The following SPHKAP variants were observed in gnomAD, a reference collection of about 807,000 sequenced individuals.
The protein encoded by SPHKAP is SPHK1 interactor, AKAP domain containing.
Under a neutral mutation model 137.5 loss-of-function variants are expected in SPHKAP, and 67 were observed. The observed-to-expected ratio is 0.49, with a 90% confidence interval of 0.40 to 0.60. The LOEUF (loss-of-function observed/expected upper bound fraction) is 0.60. SPHKAP is among the 20% of genes least tolerant of loss of function. The probability of loss-of-function intolerance (pLI) is 0.00; values close to 1 mark genes in which losing one functional copy is unlikely to be tolerated. For missense variants in SPHKAP, 2,097 were observed against 2,069.3 expected (o/e 1.01, Z -0.26); for synonymous variants, 813 against 785.3 (o/e 1.04, Z -0.59).
intron 3 of SPHKAP, among the ~76,000 whole-genome samples, chr2:228,064,342 A>G (rs1019514255): frequency 5.3e-5 from 8 of 152,214 alleles, no homozygotes; most frequent in African/African-American, 1.7e-4. Flanking sequence ...TAAACCTGCC[A>G]TTATCATCGT....
intron 7 of SPHKAP, among the ~76,000 whole-genome samples, chr2:228,007,366 C>T (rs1559343062): frequency 6.6e-6 from 1 of 152,140 alleles, no homozygotes; most frequent in East Asian, 1.9e-4. Context: ...ATATATCATA[C>T]ATTATTATTA....
At chr2:228,116,275 G>C (rs1698708570) in intron 2 of SPHKAP, among the ~76,000 whole-genome samples, 1 of 152,026 alleles carries the variant, frequency 6.6e-6, no homozygotes, top group African/African-American at 2.4e-5. Flanking sequence ...AATCCATCTA[G>C]CTCACTAAAA....
intron 1 of SPHKAP, among the ~76,000 whole-genome samples, chr2:228,145,985 G>C (rs530542576): frequency 1.7e-4 from 26 of 152,082 alleles, no homozygotes; most frequent in African/African-American, 6.3e-4. Context: ...CATGATCCTC[G>C]GATAACAAAC....
At chr2:228,027,667 C>T (rs1695096410) in intron 3 of SPHKAP, 124 bp from the exon 4 acceptor site, 1 of 984,376 alleles carries the variant, frequency 1.0e-6, no homozygotes, top group Non-Finnish European at 1.5e-6. Context: ...GACAGTTTGG[C>T]ATAGAAATAG....
intron 7 of SPHKAP, among the ~76,000 whole-genome samples, chr2:228,010,430 G>A (rs1340927898): frequency 6.6e-6 from 1 of 152,210 alleles, no homozygotes; most frequent in Non-Finnish European, 1.5e-5. Context: ...TACTCGGGAG[G>A]CTGAGGCAGG....
intron 3 of SPHKAP, among the ~76,000 whole-genome samples, chr2:228,035,428 A>G (rs1280410453): frequency 6.6e-6 from 1 of 152,236 alleles, no homozygotes; most frequent in Non-Finnish European, 1.5e-5. Flanking sequence ...GGTAGGAAGA[A>G]TCAATATTGT....
Position 228,025,518 on chromosome 2 carries a change from T to C in SPHKAP, c.317A>G (p.Asn106Ser), listed in dbSNP as rs770662067. 3 of 1,613,652 alleles carry C rather than the reference T, an allele frequency of 1.9e-6. No individual in the cohort carries two copies. The highest frequency in any genetic ancestry group is 1.1e-5 in the South Asian group (1 of 90,962). ...AAGTTTTGGAAGATCTGGTGAAACG[T>C]TGACCAGTTTCTGTAAAGCAAGAAT... The part of the protein sequence containing the change: ...STEHLQQKLV[N>S]VSPDLPKLIS... Residue 106 changes from asparagine to serine, a missense_variant, in exon 5 of 12, where the codon AAC (asparagine) becomes AGC (serine). Coordinates refer to ENST00000392056, the MANE Select transcript of SPHKAP (RefSeq NM_001142644.2).
intron 2 of SPHKAP, among the ~76,000 whole-genome samples, chr2:228,111,895 T>C (rs988664386): frequency 6.6e-6 from 1 of 152,144 alleles, no homozygotes; most frequent in African/African-American, 2.4e-5. Flanking sequence ...TGCATCTATT[T>C]TTTTTTGTAA....
chr2:227,989,166 G>T (rs1285802023), intron 11 of SPHKAP, among the ~76,000 whole-genome samples: 1 of 152,102 alleles, frequency 6.6e-6, no homozygotes, highest in Non-Finnish European at 1.5e-5. Context: ...GAATTAAAAT[G>T]CAATTACACA....
At chr2:228,071,464 G>T (rs1697002845) in intron 3 of SPHKAP, among the ~76,000 whole-genome samples, 1 of 152,230 alleles carries the variant, frequency 6.6e-6, no homozygotes, top group South Asian at 2.1e-4. Flanking sequence ...ACCATTCTTT[G>T]CTGGCACTAA....
At chr2:228,158,331 T>TC (rs1343984075) in intron 1 of SPHKAP, among the ~76,000 whole-genome samples, 1 of 150,642 alleles carries the variant, frequency 6.6e-6, no homozygotes, top group African/African-American at 2.4e-5. Context: ...TCTTTCTTTT[T>TC]TTTTTTTTTT....
At chr2:228,118,516 GT>G (rs1029784736) in intron 2 of SPHKAP, among the ~76,000 whole-genome samples, 17 of 151,900 alleles carry the variant, frequency 1.1e-4, no homozygotes, top group African/African-American at 4.1e-4. Flanking sequence ...CCCTATCCTT[GT>G]CAGTACTCAG....
intron 3 of SPHKAP, among the ~76,000 whole-genome samples, chr2:228,036,191 AAAC>A (rs1695585677): frequency 1.3e-5 from 2 of 150,826 alleles, no homozygotes; most frequent in African/African-American, 4.9e-5. Flanking sequence ...TACAAGAAAA[AAAC>A]AAACAACCCC....
rs780498887 is a variant in SPHKAP at position 227,982,208 on chromosome 2, T to A, written c.4960-348A>T. 8.6e-5 allele frequency: 85 copies of A among 985,196 alleles called. 2 individuals carry two copies. The South Asian group carries it at 1.6e-3, about 18-fold the overall frequency. The allele number at this position is 985,196 out of a possible 1,614,324, so 61.0% of individuals were successfully genotyped here. A position where few individuals can be genotyped will look rare whatever the true frequency, so the allele number is the denominator to read the frequency against. On this transcript the variant is annotated intron_variant, in intron 11 of 11. Transcript: ENST00000392056. ...CTCAGTTAGACTTTCTGTAATAGGA[T>A]TGTGTATTACAGCTCCCAGTCCCTT...
At chr2:228,036,532 G>A (rs1695603934) in intron 3 of SPHKAP, among the ~76,000 whole-genome samples, 1 of 152,006 alleles carries the variant, frequency 6.6e-6, no homozygotes, top group Admixed American at 6.6e-5. Flanking sequence ...CCCATTACTG[G>A]GTATATACCC....
chr2:228,153,911 T>C (rs1368854486), intron 1 of SPHKAP, among the ~76,000 whole-genome samples: 1 of 152,162 alleles, frequency 6.6e-6, no homozygotes, highest in African/African-American at 2.4e-5. Flanking sequence ...ATAATATTTG[T>C]GAGCAGAAAA....
chr2:228,028,542 C>G (rs1231662871), intron 3 of SPHKAP, among the ~76,000 whole-genome samples: 2 of 152,160 alleles, frequency 1.3e-5, no homozygotes, highest in Non-Finnish European at 2.9e-5. Flanking sequence ...CAACAGTGGT[C>G]CTTTAAGATT....
intron 3 of SPHKAP, among the ~76,000 whole-genome samples, chr2:228,032,353 C>A (rs1010134764): frequency 6.6e-6 from 1 of 152,092 alleles, no homozygotes; most frequent in African/African-American, 2.4e-5. Flanking sequence ...AAAAAACGAA[C>A]AAAGCCTCCA....
At chr2:228,027,707 G>A (rs1695098183) in intron 3 of SPHKAP, among the ~76,000 whole-genome samples, 164 bp from the exon 4 acceptor site, 1 of 152,048 alleles carries the variant, frequency 6.6e-6, no homozygotes, top group South Asian at 2.1e-4. Flanking sequence ...GTGGCTTATG[G>A]TTGTAATCCC....
Sources: allele counts gnomAD v4.1 joint callset (sites outside exome capture counted in the v4.1 genomes callset), GRCh38; gene constraint gnomAD v4.1.1; transcripts MANE v1.5; gene names NCBI Gene and HGNC (gene_info 2026-07-23, HGNC 2026-07-21).